The following NRAS variants were observed in gnomAD, a reference collection of about 807,000 sequenced individuals.
NRAS encodes NRAS proto-oncogene, GTPase, also known as GTPase NRas.
A neutral mutation model predicts 21.3 loss-of-function variants in NRAS; 6 were observed. The observed-to-expected ratio is 0.28, with a 90% CI of 0.15 to 0.56. NRAS has a LOEUF of 0.56. Among genes scored for constraint, NRAS ranks in the 20% least tolerant of loss-of-function variants. The pLI is 0.93. For missense variants in NRAS, 143 were observed against 231.3 expected (o/e 0.62, Z 2.48); for synonymous variants, 84 against 82.0 (o/e 1.02, Z -0.13).
In NRAS at chr1:114,706,114, T is replaced by C. The variant is rs1658914531; in HGVS notation, c.*1980A>G. On this transcript the variant is annotated 3_prime_UTR_variant, in exon 7 of 7. Transcript: ENST00000369535. ...TTCCATTTACAAATGATGACAGTAC[T>C]GTGAAAGCTCCCAGAATTAGCAGTA... 1 of 152,206 alleles carries C rather than the reference T, an allele frequency of 6.6e-6. No homozygotes were observed. Among genetic ancestry groups the C allele is most frequent in the Non-Finnish European group, 1.5e-5 (1 of 68,032 alleles). 9.4% of individuals were successfully genotyped at this position (152,206 alleles called of 1,614,324 possible).
intron 4 of NRAS, among the ~76,000 whole-genome samples, 161 bp downstream of exon 4, chr1:114,709,408 T>G (rs574528819): frequency 1.8e-4 from 28 of 151,762 alleles, no homozygotes; most frequent in South Asian, 4.2e-4. Context: ...GCACTCCAGC[T>G]TAGAAGATAG....
intron 3 of NRAS, among the ~76,000 whole-genome samples, chr1:114,713,479 A>G (rs1011499533): frequency 6.6e-6 from 1 of 152,068 alleles, no homozygotes; most frequent in Non-Finnish European, 1.5e-5. Context: ...TTTCCATTAC[A>G]TACTGAAAGA....
In NRAS at chr1:114,706,232, A is replaced by G. The variant is rs1658917773; in HGVS notation, c.*1862T>C. 1 of 152,236 alleles carries G rather than the reference A, an allele frequency of 6.6e-6. No individual in the cohort carries two copies. The highest frequency in any genetic ancestry group is 6.5e-5 in the Admixed American group (1 of 15,286). 9.4% of individuals were successfully genotyped at this position (152,236 alleles called of 1,614,324 possible). A position where few individuals can be genotyped will look rare whatever the true frequency, so the allele number is the denominator to read the frequency against. On this transcript the variant is annotated 3_prime_UTR_variant, in exon 7 of 7. Coordinates refer to ENST00000369535, the MANE Select transcript of NRAS (RefSeq NM_002524.5). ...AGGTAATATGACATTTGCTTAATAA[A>G]TGAAAATTCATAATATAGAAGATGG...
At chr1:114,716,297 T>C (rs1335756714) in intron 1 of NRAS, 120 bp from the exon 2 acceptor site, 3 of 733,888 alleles carry the variant, frequency 4.1e-6, no homozygotes, top group Admixed American at 3.9e-5. Flanking sequence ...TTAAAGTGAC[T>C]AGAGAACGCA....
chr1:114,716,584 C>A, intron 1 of NRAS, 74 bp downstream of exon 1: 1 of 324,864 alleles, frequency 3.1e-6, no homozygotes, highest in Non-Finnish European at 6.0e-6. Context: ...AGATTCTGCT[C>A]CATTTCTGGC....
At chr1:114,708,797 T>A (rs945045328) in intron 4 of NRAS, 143 bp from the exon 5 acceptor site, 18 of 743,218 alleles carry the variant, frequency 2.4e-5, no homozygotes, top group African/African-American at 3.6e-5. Flanking sequence ...TAAAATATGG[T>A]GATTTAAGGA....
chr1:114,716,264 T>A (rs970132931), intron 1 of NRAS, 87 bp from the exon 2 acceptor site: 1 of 824,000 alleles, frequency 1.2e-6, no homozygotes, highest in Non-Finnish European at 2.2e-6. Context: ...ATGAAAACCC[T>A]AGTGTGACCT....
At chr1:114,715,608 CTA>C (rs1454906989) in intron 2 of NRAS, among the ~76,000 whole-genome samples, 1 of 152,110 alleles carries the variant, frequency 6.6e-6, no homozygotes, top group African/African-American at 2.4e-5. Context: ...GGCATAAAGA[CTA>C]AAAATCTCAA....
chr1:114,716,024 G>T, intron 2 of NRAS, 26 bp downstream of exon 2: 2 of 1,313,618 alleles, frequency 1.5e-6, no homozygotes, highest in Non-Finnish European at 2.2e-6. Flanking sequence ...ACAGGATCAG[G>T]TCAGCGGGCT....
chr1:114,708,305 C>G (rs1331430805), intron 5 of NRAS, 113 bp from the exon 6 acceptor site: 5 of 568,404 alleles, frequency 8.8e-6, no homozygotes, highest in Non-Finnish European at 1.6e-5. Flanking sequence ...TAAATAATGT[C>G]TTATAATTTC....
chr1:114,707,711 CTT>C lies in NRAS; in HGVS notation c.*381_*382del. 2 of 152,692 alleles carry C rather than the reference CTT, an allele frequency of 1.3e-5. 1 individual carries two copies. The highest frequency in any genetic ancestry group is 4.1e-4 in the South Asian group (2 of 4,832). The allele number at this position is 152,692 out of a possible 1,614,324, so 9.5% of individuals were successfully genotyped here. A position where few individuals can be genotyped will look rare whatever the true frequency, so the allele number is the denominator to read the frequency against. The stretch of plus-strand genomic sequence containing the variant: ...AAAAAAAAATCACCAGCAGTTGCTA[CTT>C]TAGAGCTCAAGACACTGTTTTCAAT... On this transcript the variant is annotated 3_prime_UTR_variant, in exon 7 of 7. Transcript: ENST00000369535.
chr1:114,709,749 T>A (rs200635919), intron 3 of NRAS, 21 bp from the exon 4 acceptor site: 3 of 1,602,488 alleles, frequency 1.9e-6, no homozygotes, highest in African/African-American at 2.7e-5. Context: ...GAATATATTA[T>A]CAGAACATAA....
chr1:114,716,199 G>A (rs2101744491), intron 1 of NRAS, 22 bp from the exon 2 acceptor site: 1 of 1,382,760 alleles, frequency 7.2e-7, no homozygotes, highest in Admixed American at 1.7e-5. Flanking sequence ...CAGTAATCAG[G>A]GTTAATTGGC....
intron 2 of NRAS, 37 bp from the exon 3 acceptor site, chr1:114,714,015 G>GGTGGGTGGC: frequency 1.5e-6 from 1 of 652,368 alleles, no homozygotes. Context: ...GGGAGGGAGG[G>GGTGGGTGGC]AAGTTCAATT....
chr1:114,709,828 G>A, intron 3 of NRAS, 100 bp from the exon 4 acceptor site: 1 of 943,922 alleles, frequency 1.1e-6, no homozygotes, highest in Non-Finnish European at 1.7e-6. Context: ...GGCTGAGGAG[G>A]GCAGACTGCT....
intron 3 of NRAS, among the ~76,000 whole-genome samples, chr1:114,712,588 G>C (rs945323864): frequency 4.6e-5 from 7 of 152,238 alleles, no homozygotes; most frequent in Admixed American, 2.0e-4. Context: ...AAAAAAAATG[G>C]GAAGTACAAC....
rs1658861537 is a variant in NRAS, at chr1:114,704,640, C to A, written c.*3454G>T. On this transcript the variant is annotated 3_prime_UTR_variant, in exon 7 of 7. Coordinates refer to ENST00000369535, the MANE Select transcript of NRAS (RefSeq NM_002524.5). ...AGGAGGCCAATAGTTCCTGTTTAAA[C>A]AGCAGAATTGCACAATTATTTTTAC... The A allele has an allele frequency of 6.6e-6, 1 of 152,186 alleles. No homozygotes were observed. The highest frequency in any genetic ancestry group is 1.5e-5 in the Non-Finnish European group (1 of 68,020). 9.4% of individuals were successfully genotyped at this position (152,186 alleles called of 1,614,324 possible).
intron 5 of NRAS, 150 bp from the exon 6 acceptor site, chr1:114,708,342 C>G (rs1182154886): frequency 6.5e-6 from 4 of 616,802 alleles, no homozygotes; most frequent in Non-Finnish European, 1.2e-5. Context: ...ATAAAGATAC[C>G]TGTGGAATAA....
Position 114,713,560 on chromosome 1 carries a change from T to C in NRAS, c.290+240A>G, listed in dbSNP as rs377022789. The stretch of plus-strand genomic sequence containing the variant: ...TAATTACAACAACTCTGGTTCCAAG[T>C]CATTCCCAGTAGCAAGCTTCACTTA... On this transcript the variant is annotated intron_variant, in intron 3 of 6. Transcript: ENST00000369535. Among the ~76,000 whole-genome samples, 49 of 152,322 alleles carry C rather than the reference T, an allele frequency of 3.2e-4. No individual in the cohort carries two copies. The South Asian group carries it at 0.01, about 32-fold the overall frequency.
Sources: allele counts gnomAD v4.1 joint callset (sites outside exome capture counted in the v4.1 genomes callset), GRCh38; gene constraint gnomAD v4.1.1; transcripts MANE v1.5; gene names NCBI Gene and HGNC (gene_info 2026-07-23, HGNC 2026-07-21).